The following ROBO1 variants were observed in gnomAD, a reference collection of about 807,000 sequenced individuals.
The protein encoded by ROBO1 is roundabout homolog 1.
In ROBO1, 149 loss-of-function variants were observed where a neutral mutation model predicts 195.9. That is an observed-to-expected ratio of 0.76 (90% CI 0.67 to 0.87). The LOEUF is 0.87. Among genes scored for constraint, ROBO1 ranks in the 40% least tolerant of loss-of-function variants. The pLI, the probability that ROBO1 is intolerant of heterozygous loss-of-function variation, is 0.00. For missense variants in ROBO1, 1,933 were observed against 2,068.3 expected, an observed-to-expected ratio of 0.93 and a Z score of 1.27; for synonymous variants, 816 against 733.2, an observed-to-expected ratio of 1.11 and a Z score of -1.82.
chr3:79,509,777 A>G (rs1196067955), intron 2 of ROBO1, among the ~76,000 whole-genome samples: 1 of 152,154 alleles, frequency 6.6e-6, no homozygotes, highest in African/African-American at 2.4e-5. Flanking sequence ...CCCCTCCATG[A>G]AACATATGAA....
chr3:78,813,169 C>T (rs191338509), intron 4 of ROBO1, among the ~76,000 whole-genome samples: 1 of 151,982 alleles, frequency 6.6e-6, no homozygotes, highest in Non-Finnish European at 1.5e-5. Flanking sequence ...CACAATTTAG[C>T]CAATATTCAA....
intron 1 of ROBO1, among the ~76,000 whole-genome samples, chr3:79,609,287 A>G (rs1576111129): frequency 6.6e-6 from 1 of 151,090 alleles, no homozygotes; most frequent in East Asian, 1.9e-4. Context: ...AAAAAAACTG[A>G]AAAAAAAATT....
chr3:79,227,409 C>A (rs563583500), intron 2 of ROBO1, among the ~76,000 whole-genome samples: 1 of 152,232 alleles, frequency 6.6e-6, no homozygotes, highest in African/African-American at 2.4e-5. Flanking sequence ...TTTTCTACCT[C>A]GGTCTTCCCT....
chr3:79,361,394 G>A (rs2035764476), intron 2 of ROBO1, among the ~76,000 whole-genome samples: 1 of 151,876 alleles, frequency 6.6e-6, no homozygotes, highest in African/African-American at 2.4e-5. Context: ...AGCAAAAGGA[G>A]AAAAGCAAAT....
intron 1 of ROBO1, among the ~76,000 whole-genome samples, chr3:79,662,886 G>C (rs1345761218): frequency 1.3e-5 from 2 of 151,910 alleles, no homozygotes; most frequent in Admixed American, 6.6e-5. Context: ...ATGAGTCCAA[G>C]AAAATAACAA....
At chr3:79,129,631 T>G (rs1422926706) in intron 2 of ROBO1, among the ~76,000 whole-genome samples, 1 of 152,190 alleles carries the variant, frequency 6.6e-6, no homozygotes, top group Admixed American at 6.5e-5. Context: ...AATTATTTTT[T>G]AATTGACAAA....
intron 4 of ROBO1, among the ~76,000 whole-genome samples, chr3:78,860,065 C>A (rs1451437088): frequency 7.0e-6 from 1 of 142,098 alleles, no homozygotes; most frequent in African/African-American, 2.6e-5. Flanking sequence ...GGTGACAGAG[C>A]GAGACTTCGT....
chr3:78,794,430 A>G (rs2084122906), intron 4 of ROBO1, among the ~76,000 whole-genome samples: 1 of 152,060 alleles, frequency 6.6e-6, no homozygotes, highest in African/African-American at 2.4e-5. Context: ...GGTGTATGGG[A>G]CCTTGGAGTT....
chr3:79,706,104 T>C (rs1372972966), intron 1 of ROBO1, among the ~76,000 whole-genome samples: 2 of 152,092 alleles, frequency 1.3e-5, no homozygotes, highest in Non-Finnish European at 1.5e-5. Flanking sequence ...GTCTGTCATC[T>C]GTTGTATTTT....
intron 3 of ROBO1, among the ~76,000 whole-genome samples, chr3:79,043,038 C>A (rs1460992727): frequency 1.3e-5 from 2 of 151,976 alleles, no homozygotes; most frequent in Non-Finnish European, 2.9e-5. Flanking sequence ...TTAATGTCTG[C>A]CCTTTTTTGA....
chr3:78,722,137 T>C (rs1243110313), intron 5 of ROBO1, among the ~76,000 whole-genome samples: 1 of 152,184 alleles, frequency 6.6e-6, no homozygotes, highest in Non-Finnish European at 1.5e-5. Flanking sequence ...TAACTGAATC[T>C]ATCAGACCTA....
At chr3:78,737,148 T>C (rs565717146) in intron 5 of ROBO1, among the ~76,000 whole-genome samples, 2 of 152,278 alleles carry the variant, frequency 1.3e-5, no homozygotes, top group South Asian at 4.1e-4. Flanking sequence ...GTCTAAACAC[T>C]TTACTTACTC....
At chr3:79,264,352 T>A (rs1403752352) in intron 2 of ROBO1, among the ~76,000 whole-genome samples, 1 of 151,998 alleles carries the variant, frequency 6.6e-6, no homozygotes, top group Non-Finnish European at 1.5e-5. Flanking sequence ...TATGTATGTA[T>A]CTTTTTTCAA....
intron 2 of ROBO1, among the ~76,000 whole-genome samples, chr3:79,331,870 C>T (rs1413602157): frequency 6.6e-6 from 1 of 152,102 alleles, no homozygotes; most frequent in African/African-American, 2.4e-5. Flanking sequence ...AGGTCGGGCG[C>T]GGTGGCTCAT....
In ROBO1 at chr3:78,717,849, C is replaced by T. The variant is rs757651792; in HGVS notation, c.692G>A (p.Arg231His). 30 of 1,613,404 alleles carry T rather than the reference C, an allele frequency of 1.9e-5. No homozygotes were observed. The highest frequency in any genetic ancestry group is 1.1e-4 in the East Asian group (5 of 44,862). Residue 231 changes from arginine (R) to histidine (H), a missense_variant, in exon 6 of 31, where the codon CGT (arginine) becomes CAT (histidine). Transcript: ENST00000464233. The part of the protein sequence containing the change: ...RGGKLMITYT[R>H]KSDAGKYVCV... ...AACATATTTGCCAGCGTCACTTTTA[C>T]GGGTGTAAGTGATCATGAGCTTTCC... is the stretch of plus-strand genomic sequence containing the variant.
chr3:78,829,737 G>A (rs1159702115), intron 4 of ROBO1, among the ~76,000 whole-genome samples: 1 of 152,154 alleles, frequency 6.6e-6, no homozygotes, highest in African/African-American at 2.4e-5. Flanking sequence ...GAAAAGCGTT[G>A]TAGATAAGAG....
At chr3:79,148,684 T>A (rs2108632181) in intron 2 of ROBO1, among the ~76,000 whole-genome samples, 1 of 151,986 alleles carries the variant, frequency 6.6e-6, no homozygotes, top group East Asian at 2.0e-4. Context: ...ATTCTGAAGC[T>A]GTCTGAAATC....
intron 2 of ROBO1, among the ~76,000 whole-genome samples, chr3:79,247,828 G>A (rs2082652022): frequency 6.6e-6 from 1 of 152,080 alleles, no homozygotes; most frequent in African/African-American, 2.4e-5. Flanking sequence ...ACAGTAATGA[G>A]GCAGAAGGAC....
At chr3:79,276,119 T>A (rs771733551) in intron 2 of ROBO1, among the ~76,000 whole-genome samples, 4 of 151,688 alleles carry the variant, frequency 2.6e-5, no homozygotes, top group African/African-American at 7.3e-5. Context: ...ATATAAAAAA[T>A]AATCCTAAAA....
Sources: gnomAD v4.1 joint callset for allele counts (sites outside exome capture counted in the v4.1 genomes callset) on GRCh38, gnomAD v4.1.1 for gene constraint, MANE v1.5 for transcripts, NCBI Gene and HGNC (gene_info 2026-07-23, HGNC 2026-07-21) for gene names.